The following EPG5 variants were observed in gnomAD, a reference collection of about 807,000 sequenced individuals.
The protein encoded by EPG5 is ectopic P-granules 5 autophagy tethering factor, also known as ectopic P granules protein 5 homolog.
In EPG5, 159 loss-of-function variants were observed where a neutral mutation model predicts 302.7. That is an observed-to-expected ratio of 0.53 (90% CI 0.46 to 0.60). EPG5 has a LOEUF of 0.60. Ranked by LOEUF, EPG5 falls within the 20% of genes least tolerant of loss-of-function variation. The probability of loss-of-function intolerance (pLI) is 0.00; values close to 1 mark genes in which losing one functional copy is unlikely to be tolerated. For missense variants in EPG5, 2,896 were observed against 3,092.4 expected (o/e 0.94, Z 1.51); for synonymous variants, 1,158 against 1,136.8 (o/e 1.02, Z -0.37).
the EPG5 span, chr18:45,842,019 C>T: frequency 2.4e-6 from 3 of 1,233,304 alleles, no homozygotes; most frequent in Non-Finnish European, 3.6e-6. Flanking sequence ...AATGTCTCCT[C>T]TTCTTGGCCC....
Position 45,848,859 on chromosome 18 carries a change from G to T in EPG5, c.*3608C>A, listed in dbSNP as rs763836109. ...AGCACTCTGGGAGGCCGGGGCGGGC[G>T]GACCACAAGGTCAGGAGTTTGAAAC... On this transcript the variant is annotated 3_prime_UTR_variant, in exon 44 of 44. Coordinates refer to ENST00000282041, the MANE Select transcript of EPG5 (RefSeq NM_020964.3). 12 of 152,288 alleles carry T rather than the reference G, an allele frequency of 7.9e-5. No homozygotes were observed. Among genetic ancestry groups the T allele is most frequent in the Admixed American group, 7.2e-4 (11 of 15,280 alleles). The allele number at this position is 152,288 out of a possible 1,614,324, so 9.4% of individuals were successfully genotyped here. A position where few individuals can be genotyped will look rare whatever the true frequency, so the allele number is the denominator to read the frequency against.
chr18:45,882,714 G>A (rs1485093179), intron 30 of EPG5, among the ~76,000 whole-genome samples: 1 of 151,968 alleles, frequency 6.6e-6, no homozygotes, highest in Non-Finnish European at 1.5e-5. Flanking sequence ...AATATAAGAA[G>A]TTCACTAATT....
Position 45,858,764 on chromosome 18 carries a change from G to A in EPG5, c.7028C>T (p.Ser2343Leu), listed in dbSNP as rs1283916552. 3 of 1,613,770 alleles carry A rather than the reference G, an allele frequency of 1.9e-6. No homozygotes were observed. Among genetic ancestry groups the A allele is most frequent in the Admixed American group, 1.7e-5 (1 of 60,004 alleles). ...GGATACCAGAATGGGTCCCCATCCT[G>A]AATTCTGATTGAGAGGGCCTAAGAA... ...YFKESPLNQN[S>L]GWGPILVSLQ... The change falls in exon 41 of 44, where the codon TCA (serine) becomes TTA (leucine). Residue 2343 changes from serine to leucine, a missense_variant. Ser to Leu is a moderately radical substitution (Grantham distance 145). Coordinates refer to ENST00000282041, the MANE Select transcript of EPG5 (RefSeq NM_020964.3).
chr18:45,922,762 T>C lies in EPG5; in HGVS notation c.2839-162A>G, dbSNP rs11082498. On this transcript the variant is annotated intron_variant, in intron 15 of 43. Transcript: ENST00000282041. ...TCACTGCACTACATCAAAGCAATTT[T>C]TCACTCGCAACTTGCGCTTACTTGC... 0.36 allele frequency among the ~76,000 whole-genome samples: 55,087 copies of C among 152,100 alleles called. 11,825 individuals are homozygous for C. Among genetic ancestry groups the C allele is most frequent in the African/African-American group, 0.59 (24,657 of 41,454 alleles).
chr18:45,922,494 T>C lies in EPG5; in HGVS notation c.2945A>G (p.Tyr982Cys), dbSNP rs2050181302. Residue 982 changes from tyrosine to cysteine, a missense_variant, in exon 16 of 44, where the codon TAT becomes TGT. Physicochemically the swap from Tyr to Cys is radical, Grantham distance 194. Transcript: ENST00000282041. ...ILRLKLHKND[Y>C]GIQPNCPAVP... ...AGCTGGACAATTCGGCTGTATTCCATAATCGTTTTTGTGCAGTTTTAGCCT... is the reference window on the plus strand; with the variant it reads ...AGCTGGACAATTCGGCTGTATTCCACAATCGTTTTTGTGCAGTTTTAGCCT... 6.2e-7 allele frequency: 1 copy of C among 1,614,220 alleles called. No individual in the cohort carries two copies. The highest frequency in any genetic ancestry group is 1.1e-5 in the South Asian group (1 of 91,084).
chr18:45,884,994 A>G (rs1212435078), intron 29 of EPG5, among the ~76,000 whole-genome samples, 183 bp from the exon 30 acceptor site: 1 of 152,252 alleles, frequency 6.6e-6, no homozygotes, highest in Non-Finnish European at 1.5e-5. Context: ...TGGAAGTAAT[A>G]TTAGAAATTC....
At chr18:45,825,408 T>G in the EPG5 span, 1 of 463,944 alleles carries the variant, frequency 2.2e-6, no homozygotes, top group Admixed American at 3.3e-5. Flanking sequence ...AACAGTTTTC[T>G]GTGAGGGGAT....
intron 14 of EPG5, among the ~76,000 whole-genome samples, chr18:45,925,381 G>A (rs1303661606): frequency 2.0e-5 from 3 of 152,220 alleles, no homozygotes; most frequent in Admixed American, 1.3e-4. Flanking sequence ...GCTGATGCAG[G>A]AGAATTGCTT....
chr18:45,837,208 G>A, the EPG5 span: 1 of 1,454,506 alleles, frequency 6.9e-7, no homozygotes, highest in Admixed American at 2.4e-5. Context: ...TAAGAATATG[G>A]GGTCAAGGGG....
chr18:45,842,912 G>C (rs2048337427), downstream of EPG5: 1 of 152,502 alleles, frequency 6.6e-6, no homozygotes, highest in Admixed American at 6.5e-5. Context: ...TGTGGTCAGA[G>C]GAACATCAAA....
chr18:45,955,055 C>T lies in EPG5; in HGVS notation c.347G>A (p.Ser116Asn). 1 of 1,614,142 alleles carries T rather than the reference C, an allele frequency of 6.2e-7. No homozygotes were observed. The highest frequency in any genetic ancestry group is 8.5e-7 in the Non-Finnish European group (1 of 1,180,012). Reference sequence around the variant, plus strand: ...AGGGTGGACCTTTGGAGTGACTGCACTGTCCCCCACACAGGGTCTGGCCTC... The same window carrying T: ...AGGGTGGACCTTTGGAGTGACTGCATTGTCCCCCACACAGGGTCTGGCCTC... ...GGEARPCVGD[S>N]AVTPKVHPGD... Residue 116 changes from serine to asparagine, a missense_variant, in exon 2 of 44, where the codon AGT becomes AAT. Around this residue, in one of 5 missense-constraint regions of EPG5, gnomAD observed 1,390 missense variants for 1,430.0 expected, o/e 0.97. Transcript: ENST00000282041.
chr18:45,949,395 G>T, intron 5 of EPG5, 89 bp downstream of exon 5: 1 of 691,658 alleles, frequency 1.4e-6, no homozygotes, highest in Non-Finnish European at 2.4e-6. Flanking sequence ...TTTTTAAATA[G>T]TCCTTTTTTT....
At chr18:45,883,614 GTTTTTTTTT>G (rs1174930322) in intron 30 of EPG5, among the ~76,000 whole-genome samples, 1 of 60,718 alleles carries the variant, frequency 1.6e-5, no homozygotes, top group Non-Finnish European at 3.4e-5. Flanking sequence ...CTAGCCTGGT[GTTTTTTTTT>G]TTTTTTTTTT....
At chr18:45,908,800 T>C (rs899359396) in intron 23 of EPG5, among the ~76,000 whole-genome samples, 1 of 152,096 alleles carries the variant, frequency 6.6e-6, no homozygotes, top group African/African-American at 2.4e-5. Context: ...AATACAAAAA[T>C]GAGCCGGGTG....
intron 28 of EPG5, among the ~76,000 whole-genome samples, chr18:45,888,999 C>T (rs2049278633): frequency 6.6e-6 from 1 of 152,112 alleles, no homozygotes; most frequent in Admixed American, 6.5e-5. Context: ...AAAGATAGCC[C>T]TTCCAATTCT....
Position 45,882,470 on chromosome 18 carries a change from C to G in EPG5, c.5322G>C (p.Trp1774Cys). ...MLLTKFDLKQ[W>C]LSATKPPLSD... ...ACAGAGGAGGTTTAGTGGCGCTTAA[C>G]CATTGTTTAAGATCGAACTAAAAAG... is the stretch of plus-strand genomic sequence containing the variant. The change falls in exon 31 of 44, where the codon TGG becomes TGC. Residue 1774 changes from tryptophan to cysteine, a missense_variant. By Grantham distance (215) the Trp-to-Cys change is radical. Around this residue, in one of 5 missense-constraint regions of EPG5, gnomAD observed 790 missense variants for 798.0 expected, o/e 0.99. Transcript: ENST00000282041. The G allele has an allele frequency of 6.2e-7, 1 of 1,613,224 alleles. No individual in the cohort carries two copies. Among genetic ancestry groups the G allele is most frequent in the Non-Finnish European group, 8.5e-7 (1 of 1,179,764 alleles).
chr18:45,884,519 G>A, intron 30 of EPG5, 98 bp downstream of exon 30: 1 of 1,163,180 alleles, frequency 8.6e-7, no homozygotes, highest in Non-Finnish European at 1.2e-6. Context: ...TGCTGTACCT[G>A]GAAACAAAAC....
chr18:45,930,276 T>C (rs2050370534), intron 12 of EPG5, among the ~76,000 whole-genome samples: 4 of 152,154 alleles, frequency 2.6e-5, no homozygotes, highest in Non-Finnish European at 1.5e-5. Flanking sequence ...AACTCAGGTA[T>C]CCTAACTCCA....
chr18:45,920,525 G>A (rs748392003), intron 16 of EPG5, among the ~76,000 whole-genome samples: 23 of 152,192 alleles, frequency 1.5e-4, no homozygotes, highest in Non-Finnish European at 3.1e-4. Context: ...TGGAAGACTG[G>A]GCATCTGGTG....
Sources: allele counts gnomAD v4.1 joint callset (sites outside exome capture counted in the v4.1 genomes callset), GRCh38; gene constraint gnomAD v4.1.1; regional missense constraint gnomAD v4.1.1; transcripts MANE v1.5; gene names NCBI Gene and HGNC (gene_info 2026-07-23, HGNC 2026-07-21).